The following VPS50 variants were observed in gnomAD, a reference collection of about 807,000 sequenced individuals.
VPS50 encodes the protein syndetin.
In VPS50, 70 loss-of-function variants were observed where a neutral mutation model predicts 139.7. That is an observed-to-expected ratio of 0.50 (90% confidence interval 0.41 to 0.61). The LOEUF (loss-of-function observed/expected upper bound fraction) is 0.61, where lower values mean the gene tolerates loss of function less well. VPS50 is among the 20% of genes least tolerant of loss of function. VPS50 has a pLI of 0.00. For missense variants in VPS50, 921 were observed against 1,133.7 expected (o/e 0.81, Z 2.69); for synonymous variants, 365 against 376.7 (o/e 0.97, Z 0.36).
chr7:93,241,965 G>A (rs1035049587), intron 2 of VPS50, among the ~76,000 whole-genome samples: 6 of 151,848 alleles, frequency 4.0e-5, no homozygotes, highest in Non-Finnish European at 7.4e-5. Flanking sequence ...AAGATTAAAA[G>A]CATTTTAACA....
intron 1 of VPS50, among the ~76,000 whole-genome samples, chr7:93,234,157 C>G (rs1584367191): frequency 6.6e-6 from 1 of 152,320 alleles, no homozygotes; most frequent in East Asian, 1.9e-4. Flanking sequence ...GATGCTGTCT[C>G]AAGTTTGTTG....
At chr7:93,238,161 C>G (rs1794874423) in intron 1 of VPS50, among the ~76,000 whole-genome samples, 3 of 152,136 alleles carry the variant, frequency 2.0e-5, no homozygotes, top group Admixed American at 6.5e-5. Flanking sequence ...TCAGCCTTGC[C>G]TTCTTTACCA....
At chr7:93,254,541 A>T (rs986680993) in intron 4 of VPS50, among the ~76,000 whole-genome samples, 1 of 152,206 alleles carries the variant, frequency 6.6e-6, no homozygotes, top group Non-Finnish European at 1.5e-5. Flanking sequence ...CACTGGAATT[A>T]GAGCCGCAAG....
At chr7:93,234,253 A>C (rs527998059) in intron 1 of VPS50, among the ~76,000 whole-genome samples, 1 of 152,264 alleles carries the variant, frequency 6.6e-6, no homozygotes, top group East Asian at 1.9e-4. Flanking sequence ...CATTTTGTAA[A>C]ACTGAGGAGA....
At chr7:93,234,039 G>A (rs1265888644) in intron 1 of VPS50, among the ~76,000 whole-genome samples, 1 of 152,114 alleles carries the variant, frequency 6.6e-6, no homozygotes, top group Non-Finnish European at 1.5e-5. Flanking sequence ...TGCTGACTTC[G>A]GTACCTGTTT....
intron 20 of VPS50, among the ~76,000 whole-genome samples, chr7:93,322,679 T>C (rs564134176): frequency 2.0e-5 from 3 of 152,186 alleles, no homozygotes; most frequent in South Asian, 2.1e-4. Context: ...ACCTGAATTA[T>C]TGGCTTATTT....
chr7:93,358,490 C>T lies in VPS50; in HGVS notation c.*54C>T. On this transcript the variant is annotated 3_prime_UTR_variant, in exon 28 of 28. Transcript: ENST00000305866. Reference sequence around the variant, plus strand: ...TTGATCCTCACTCAACATATATGACCTGAAAGCCAGTTTTTTTATGCACTT... The same window carrying T: ...TTGATCCTCACTCAACATATATGACTTGAAAGCCAGTTTTTTTATGCACTT... 2 of 1,508,374 alleles carry T rather than the reference C, an allele frequency of 1.3e-6. No homozygotes were observed. Among genetic ancestry groups the T allele is most frequent in the Non-Finnish European group, 1.8e-6 (2 of 1,105,492 alleles). The allele number at this position is 1,508,374 out of a possible 1,614,324, so 93.4% of individuals were successfully genotyped here. A position where few individuals can be genotyped will look rare whatever the true frequency, so the allele number is the denominator to read the frequency against.
At chr7:93,335,884 A>G (rs186050825) in intron 22 of VPS50, among the ~76,000 whole-genome samples, 1 of 152,368 alleles carries the variant, frequency 6.6e-6, no homozygotes, top group East Asian at 1.9e-4. Flanking sequence ...GACCCTTAAG[A>G]TGTGGATTTC....
intron 12 of VPS50, among the ~76,000 whole-genome samples, chr7:93,282,565 T>A (rs1796361374): frequency 6.6e-6 from 1 of 152,244 alleles, no homozygotes. Flanking sequence ...TTTATCCCTT[T>A]CCCTGAGCAC....
chr7:93,331,369 C>T (rs1218438771), intron 21 of VPS50, among the ~76,000 whole-genome samples: 2 of 151,894 alleles, frequency 1.3e-5, no homozygotes, highest in South Asian at 2.1e-4. Context: ...AGACTTACTC[C>T]AGAGCTACAG....
intron 4 of VPS50, among the ~76,000 whole-genome samples, chr7:93,254,508 T>C (rs1173034874): frequency 6.6e-6 from 1 of 152,080 alleles, no homozygotes; most frequent in East Asian, 1.9e-4. Flanking sequence ...CCCAAGCGAT[T>C]CTCCTGTCTC....
In VPS50 at chr7:93,342,119, C is replaced by T. The variant is rs547394849; in HGVS notation, c.2207+544C>T. ...CAGTGGGCGCAGGTCAGTGGGTGCG[C>T]GCACTGTGCATGAGCCGAAGCAGGG... On this transcript the variant is annotated intron_variant, in intron 23 of 27. Transcript: ENST00000305866. 1.4e-3 allele frequency among the ~76,000 whole-genome samples: 209 copies of T among 152,286 alleles called. 2 individuals are homozygous for T. Among genetic ancestry groups the T allele is most frequent in the Non-Finnish European group, 1.5e-3 (101 of 68,024 alleles).
chr7:93,252,987 C>T (rs1287200570), intron 3 of VPS50, among the ~76,000 whole-genome samples: 1 of 152,074 alleles, frequency 6.6e-6, no homozygotes, highest in Non-Finnish European at 1.5e-5. Context: ...TTCAGGGAAA[C>T]ATTTCTGTAT....
intron 22 of VPS50, among the ~76,000 whole-genome samples, chr7:93,335,213 CTAAGA>C (rs1238178183): frequency 2.0e-5 from 3 of 152,060 alleles, no homozygotes; most frequent in African/African-American, 7.2e-5. Context: ...CTCATGAGTA[CTAAGA>C]TGAAACTGAA....
At chr7:93,277,153 G>A (rs1796182166) in intron 12 of VPS50, among the ~76,000 whole-genome samples, 1 of 152,138 alleles carries the variant, frequency 6.6e-6, no homozygotes, top group South Asian at 2.1e-4. Context: ...AATGAGACTA[G>A]TAGAGTCTTA....
At chr7:93,325,581 A>G (rs944251441) in intron 21 of VPS50, among the ~76,000 whole-genome samples, 2 of 152,082 alleles carry the variant, frequency 1.3e-5, no homozygotes, top group African/African-American at 2.4e-5. Context: ...CAGAATCTAC[A>G]ATGAACTCAA....
At chr7:93,358,058 T>C (rs1202911941) in intron 27 of VPS50, among the ~76,000 whole-genome samples, 1 of 152,156 alleles carries the variant, frequency 6.6e-6, no homozygotes, top group Non-Finnish European at 1.5e-5. Flanking sequence ...AGCATACGCA[T>C]GTCAGATTGC....
intron 22 of VPS50, among the ~76,000 whole-genome samples, chr7:93,336,453 AT>A (rs1356877360): frequency 6.6e-6 from 1 of 152,216 alleles, no homozygotes; most frequent in Non-Finnish European, 1.5e-5. Flanking sequence ...AGAAAGTTGA[AT>A]TTTTAGTTAT....
At chr7:93,336,477 G>A (rs1798072935) in intron 22 of VPS50, among the ~76,000 whole-genome samples, 3 of 152,152 alleles carry the variant, frequency 2.0e-5, no homozygotes. Flanking sequence ...ATTTGGTTAT[G>A]CTAACTAAAT....
Sources: gnomAD v4.1 joint callset for allele counts (sites outside exome capture counted in the v4.1 genomes callset) on GRCh38, gnomAD v4.1.1 for gene constraint, MANE v1.5 for transcripts, NCBI Gene and HGNC (gene_info 2026-07-23, HGNC 2026-07-21) for gene names.